Variants in HSPBP1 observed in about 807,000 individuals in gnomAD.
The protein encoded by HSPBP1 is HSPA (Hsp70) binding protein 1.
Under a neutral mutation model 41.7 loss-of-function variants are expected in HSPBP1, and 31 were observed. That is an observed-to-expected ratio of 0.74 (90% CI 0.56 to 1.00). The LOEUF is 1.00. HSPBP1 is among the 50% of genes least tolerant of loss of function. HSPBP1 has a pLI of 0.00. For synonymous variants in HSPBP1, 199 were observed against 214.4 expected (o/e 0.93, Z 0.63); for missense variants, 439 against 487.9 (o/e 0.90, Z 0.94).
At chr19:55,263,496 G>A (rs1434972955) in intron 7 of HSPBP1, among the ~76,000 whole-genome samples, 1 of 152,130 alleles carries the variant, frequency 6.6e-6, no homozygotes, top group East Asian at 1.9e-4. Context: ...TCTAGAAATT[G>A]TTCTACAGAC....
chr19:55,264,859 A>C (rs138699488), intron 7 of HSPBP1, among the ~76,000 whole-genome samples: 1 of 152,246 alleles, frequency 6.6e-6, no homozygotes, highest in African/African-American at 2.4e-5. Flanking sequence ...TGAAAGCCTG[A>C]ACCAGCGGAC....
In HSPBP1 at chr19:55,268,152, T is replaced by G. The variant is rs1312007085; in HGVS notation, c.641-1866A>C. ...ATTTTCCATTAAACACAACGTTGGCTGGGCGCGGTGGCTCATGCCTGTAAT... is the reference window on the plus strand; with the variant it reads ...ATTTTCCATTAAACACAACGTTGGCGGGGCGCGGTGGCTCATGCCTGTAAT... On this transcript the variant is annotated intron_variant, in intron 4 of 7. Coordinates refer to ENST00000433386, the MANE Select transcript of HSPBP1 (RefSeq NM_012267.5). The surrounding 1 kb of genome is among the most constrained non-coding windows in gnomAD (Gnocchi z 4.5). Among the ~76,000 whole-genome samples the G allele has an allele frequency of 6.6e-6, 1 of 152,106 alleles. No homozygotes were observed. The highest frequency in any genetic ancestry group is 1.5e-5 in the Non-Finnish European group (1 of 67,996).
intron 3 of HSPBP1, among the ~76,000 whole-genome samples, chr19:55,277,165 G>A (rs1244790173): frequency 1.3e-5 from 2 of 152,100 alleles, no homozygotes; most frequent in African/African-American, 4.8e-5. Context: ...CCTGCGCCTG[G>A]CCCCTCACTC....
chr19:55,262,397 A>G lies in HSPBP1; in HGVS notation c.*211T>C. The G allele has an allele frequency of 7.2e-7, 1 of 1,392,712 alleles. No individual in the cohort carries two copies. The allele number at this position is 1,392,712 out of a possible 1,614,324, so 86.3% of individuals were successfully genotyped here. On this transcript the variant is annotated 3_prime_UTR_variant, in exon 8 of 8. Transcript: ENST00000433386. ...ATTGGAAGAGCTGTGTGGACAAGAG[A>G]ACGGGGATGAGAGTGAGAGCATGGG...
chr19:55,274,350 C>A, intron 4 of HSPBP1, 48 bp downstream of exon 4: 3 of 536,456 alleles, frequency 5.6e-6, no homozygotes, highest in South Asian at 2.4e-5. Context: ...ACCCGGCACC[C>A]CCCCCCACCG....
Position 55,272,589 on chromosome 19 carries a change from C to G in HSPBP1, c.640+1809G>C, listed in dbSNP as rs2087952298. Among the ~76,000 whole-genome samples, 1 of 152,106 alleles carries G rather than the reference C, an allele frequency of 6.6e-6. No individual in the cohort carries two copies. The highest frequency in any genetic ancestry group is 2.4e-5 in the African/African-American group (1 of 41,410). On this transcript the variant is annotated intron_variant, in intron 4 of 7. Coordinates refer to ENST00000433386, the MANE Select transcript of HSPBP1 (RefSeq NM_012267.5). The surrounding 1 kb of genome is among the most constrained non-coding windows in gnomAD (Gnocchi z 4.2). ...GGCGCAGTGGCTCACGCCTGTAATC[C>G]CAACACTTTGGGAGGCTGAGGCGGG...
In HSPBP1 at chr19:55,265,946, A is replaced by G. The variant is rs752840718; in HGVS notation, c.833T>C (p.Val278Ala). 6.2e-7 allele frequency: 1 copy of G among 1,607,142 alleles called. No individual in the cohort carries two copies. The highest frequency in any genetic ancestry group is 8.5e-7 in the Non-Finnish European group (1 of 1,177,978). Residue 278 changes from valine to alanine, a missense_variant, in exon 6 of 8, where the codon GTG becomes GCG. Coordinates refer to ENST00000433386, the MANE Select transcript of HSPBP1 (RefSeq NM_012267.5). ...LCSMGMVQQL[V>A]ALVRTEHSPF... ...GCTGTGCTCTGTCCGCACCAGGGCCACCAGCTGCTGGACCATCCCCATGGA... is the reference window on the plus strand; with the variant it reads ...GCTGTGCTCTGTCCGCACCAGGGCCGCCAGCTGCTGGACCATCCCCATGGA...
rs150694042 is a variant in HSPBP1, at chr19:55,270,496, C to A, written c.640+3902G>T. Among the ~76,000 whole-genome samples the A allele has an allele frequency of 1.6e-3, 245 of 152,262 alleles. 1 individual carries two copies. Among genetic ancestry groups the A allele is most frequent in the African/African-American group, 5.7e-3 (235 of 41,534 alleles). On this transcript the variant is annotated intron_variant, in intron 4 of 7. Transcript: ENST00000433386. This position sits in a 1 kb window ranked among gnomAD's most constrained non-coding sequence, Gnocchi z 5.4. ...ATGCAACCTCATGAAGACGCAAAGCCAGAAGCCGCCCTCCTCAGCAGGGGC... is the reference window on the plus strand; with the variant it reads ...ATGCAACCTCATGAAGACGCAAAGCAAGAAGCCGCCCTCCTCAGCAGGGGC...
At chr19:55,265,162 TGGC>T in intron 7 of HSPBP1, 113 bp downstream of exon 7, 1 of 164,758 alleles carries the variant, frequency 6.1e-6, no homozygotes, top group Non-Finnish European at 1.1e-5. Flanking sequence ...CCCCTCCCCC[TGGC>T]ACCTGATCCT....
chr19:55,271,828 G>A (rs1474469311), intron 4 of HSPBP1, among the ~76,000 whole-genome samples: 2 of 152,216 alleles, frequency 1.3e-5, no homozygotes, highest in African/African-American at 4.8e-5. Flanking sequence ...GGGAGGCTGA[G>A]GTGCTCACCT....
At chr19:55,275,379 C>CA (rs2088044451) in intron 3 of HSPBP1, among the ~76,000 whole-genome samples, 1 of 152,178 alleles carries the variant, frequency 6.6e-6, no homozygotes, top group African/African-American at 2.4e-5. Flanking sequence ...AGTAGGGACT[C>CA]AGATACTTAT....
chr19:55,274,345 G>GGCCCCCCCCCCCCCCCCCCCCCCCCCC, intron 4 of HSPBP1, 53 bp downstream of exon 4: 2 of 552,676 alleles, frequency 3.6e-6, no homozygotes, highest in Non-Finnish European at 6.2e-6. Context: ...GGCCCACCCG[G>GGCCCCCCCCCCCCCCCCCCCCCCCCCC]CACCCCCCCC....
intron 7 of HSPBP1, 73 bp downstream of exon 7, chr19:55,265,205 T>A: frequency 6.1e-6 from 3 of 490,832 alleles, no homozygotes; most frequent in Non-Finnish European, 9.5e-6. Flanking sequence ...CCCACACACC[T>A]AGTCCTCCTG....
At position 55,270,315 on chromosome 19, in the gene HSPBP1, C is replaced by T. The variant is rs1412409332; in HGVS notation, c.641-4029G>A. Among the ~76,000 whole-genome samples the T allele has an allele frequency of 6.6e-6, 1 of 152,202 alleles. No individual in the cohort carries two copies. The highest frequency in any genetic ancestry group is 1.9e-4 in the East Asian group (1 of 5,176). ...CCAACTGCCAGCAAAACTCTGCTAGCCCCGGGGCGAGCCATGGTGGAAGCC... is the reference window on the plus strand; with the variant it reads ...CCAACTGCCAGCAAAACTCTGCTAGTCCCGGGGCGAGCCATGGTGGAAGCC... On this transcript the variant is annotated intron_variant, in intron 4 of 7. Transcript: ENST00000433386. The surrounding 1 kb of genome is among the most constrained non-coding windows in gnomAD (Gnocchi z 5.4).
In HSPBP1 at chr19:55,270,827, A is replaced by G. The variant is rs1331714890; in HGVS notation, c.640+3571T>C. 6.6e-6 allele frequency among the ~76,000 whole-genome samples: 1 copy of G among 150,678 alleles called. No individual in the cohort carries two copies. The highest frequency in any genetic ancestry group is 1.5e-5 in the Non-Finnish European group (1 of 67,626). On this transcript the variant is annotated intron_variant, in intron 4 of 7. Coordinates refer to ENST00000433386, the MANE Select transcript of HSPBP1 (RefSeq NM_012267.5). This position sits in a 1 kb window ranked among gnomAD's most constrained non-coding sequence, Gnocchi z 5.4. ...ACCTCATATGCACCCCACATACCCC[A>G]CACATATACATACATCCCCCCAGCA...
At position 55,262,261 on chromosome 19, in the gene HSPBP1, G is replaced by T; in HGVS notation, c.*347C>A. 1 of 565,950 alleles carries T rather than the reference G, an allele frequency of 1.8e-6. No homozygotes were observed. Among genetic ancestry groups the T allele is most frequent in the Non-Finnish European group, 2.3e-6 (1 of 427,986 alleles). The allele number at this position is 565,950 out of a possible 1,614,324, so 35.1% of individuals were successfully genotyped here. A position where few individuals can be genotyped will look rare whatever the true frequency, so the allele number is the denominator to read the frequency against. On this transcript the variant is annotated 3_prime_UTR_variant, in exon 8 of 8. Coordinates refer to ENST00000433386, the MANE Select transcript of HSPBP1 (RefSeq NM_012267.5). The stretch of plus-strand genomic sequence containing the variant: ...GCAACACTTTTATTATTCTTCCAGT[G>T]GCTCCCCAAGTCCCTTAAACCCGTG...
At chr19:55,271,832 C>T (rs2087930626) in intron 4 of HSPBP1, among the ~76,000 whole-genome samples, 1 of 152,124 alleles carries the variant, frequency 6.6e-6, no homozygotes. Flanking sequence ...GGCTGAGGTG[C>T]TCACCTGAGG....
chr19:55,274,649 G>T, intron 3 of HSPBP1, 27 bp from the exon 4 acceptor site: 4 of 1,581,134 alleles, frequency 2.5e-6, no homozygotes, highest in African/African-American at 1.3e-5. Context: ...AGCAGAGAGA[G>T]GCCAGATGTT....
At chr19:55,273,922 G>GA (rs11408703) in intron 4 of HSPBP1, among the ~76,000 whole-genome samples, 70,736 of 147,900 alleles carry the variant, frequency 0.48, 17,371 homozygotes, top group Middle Eastern at 0.59. Context: ...TAGGTTAAAT[G>GA]AAAAAAAAAA....
Sources: gnomAD v4.1 joint callset for allele counts (sites outside exome capture counted in the v4.1 genomes callset) on GRCh38, gnomAD v4.1.1 for gene constraint, Gnocchi (gnomAD v3.1) non-coding constraint, MANE v1.5 for transcripts, NCBI Gene and HGNC (gene_info 2026-07-23, HGNC 2026-07-21) for gene names.